Variants in TMTC1 observed in about 807,000 individuals in gnomAD.
TMTC1 encodes the protein transmembrane O-mannosyltransferase targeting cadherins 1.
TMTC1 carries 73 observed loss-of-function variants against 104.8 expected under a neutral mutation model. The observed-to-expected ratio is 0.70, with a 90% CI of 0.58 to 0.85. TMTC1 has a LOEUF of 0.85. Among genes scored for constraint, TMTC1 ranks in the 40% least tolerant of loss-of-function variants. The pLI is 0.00. For missense variants in TMTC1, 1,035 were observed against 1,096.1 expected (o/e 0.94, Z 0.79); for synonymous variants, 434 against 428.7 (o/e 1.01, Z -0.15).
At chr12:29,644,147 G>GTA (rs1440433295) in intron 5 of TMTC1, among the ~76,000 whole-genome samples, 1 of 61,550 alleles carries the variant, frequency 1.6e-5, no homozygotes, top group African/African-American at 6.9e-5. Flanking sequence ...GTGTGTGTGT[G>GTA]TGTATATATA....
At chr12:29,729,108 C>T (rs2136910653) in intron 5 of TMTC1, among the ~76,000 whole-genome samples, 1 of 151,778 alleles carries the variant, frequency 6.6e-6, no homozygotes, top group East Asian at 1.9e-4. Context: ...GACCCCTTTA[C>T]TTCCCAACTG....
At chr12:29,676,837 G>T (rs1434496536) in intron 5 of TMTC1, among the ~76,000 whole-genome samples, 1 of 152,234 alleles carries the variant, frequency 6.6e-6, no homozygotes, top group African/African-American at 2.4e-5. Flanking sequence ...GAACCCTGAA[G>T]CCAGGCCATA....
Position 29,583,592 on chromosome 12 carries a change from A to C in TMTC1, c.1251-18T>G. On this transcript the variant is annotated intron_variant, in intron 7 of 17. Transcript: ENST00000539277. ...AGCCCATGCTGGAAAACAGGGTGGA[A>C]GGAACGGGATTACTTTGGGGGTGCA... 1.2e-6 allele frequency: 2 copies of C among 1,608,302 alleles called. No individual in the cohort carries two copies. The highest frequency in any genetic ancestry group is 2.2e-5 in the South Asian group (2 of 90,086).
At chr12:29,544,294 G>A (rs552968165) in intron 10 of TMTC1, among the ~76,000 whole-genome samples, 28 of 150,604 alleles carry the variant, frequency 1.9e-4, no homozygotes, top group East Asian at 1.6e-3. Context: ...ACAGAGTGGC[G>A]CAAAAGTGGC....
chr12:29,592,145 G>A (rs1325251084), intron 7 of TMTC1, among the ~76,000 whole-genome samples: 1 of 152,106 alleles, frequency 6.6e-6, no homozygotes, highest in African/African-American at 2.4e-5. Context: ...TCTATAAATA[G>A]CATTATTAAT....
chr12:29,713,885 G>A (rs1591964232), intron 5 of TMTC1, among the ~76,000 whole-genome samples: 1 of 151,980 alleles, frequency 6.6e-6, no homozygotes, highest in African/African-American at 2.4e-5. Flanking sequence ...TGTAACAAGA[G>A]ATGTGTTGGT....
intron 16 of TMTC1, among the ~76,000 whole-genome samples, chr12:29,512,842 C>A (rs1166632689): frequency 6.6e-6 from 1 of 152,076 alleles, no homozygotes; most frequent in Non-Finnish European, 1.5e-5. Context: ...CAAGTGGTCA[C>A]CTGAAATAAA....
chr12:29,599,995 T>TAC (rs1366915650), intron 7 of TMTC1, among the ~76,000 whole-genome samples: 2 of 99,744 alleles, frequency 2.0e-5, no homozygotes, highest in East Asian at 5.5e-4. Context: ...TGTATATACA[T>TAC]ATATATATAT....
rs145115277 is a variant in TMTC1 at position 29,617,536 on chromosome 12, C to CAGAGAGAGAGAGAGAG, written c.1129-13253_1129-13238dup. ...AAACATCAGTAAGCAAAACAGACAACAGAGAGAGAGAGAGAGAGAGAGAGA... is the reference window on the plus strand; with the variant it reads ...AAACATCAGTAAGCAAAACAGACAACAGAGAGAGAGAGAGAGAGAGAGAGAGAGAGAGAGAGAGAGA... On this transcript the variant is annotated intron_variant, in intron 6 of 17. Transcript: ENST00000539277. Among the ~76,000 whole-genome samples the CAGAGAGAGAGAGAGAG allele has an allele frequency of 5.1e-3, 690 of 134,948 alleles. 4 individuals carry two copies. Among genetic ancestry groups the CAGAGAGAGAGAGAGAG allele is most frequent in the Admixed American group, 0.011 (156 of 13,730 alleles). 88.5% of individuals were successfully genotyped at this position (134,948 alleles called of 152,430 possible).
At chr12:29,585,450 A>T (rs988989359) in intron 7 of TMTC1, among the ~76,000 whole-genome samples, 2 of 151,712 alleles carry the variant, frequency 1.3e-5, no homozygotes, top group South Asian at 2.1e-4. Flanking sequence ...TTTAATTAGA[A>T]CCCATTTGTC....
chr12:29,580,454 A>T (rs1945948223), intron 8 of TMTC1, among the ~76,000 whole-genome samples: 2 of 152,334 alleles, frequency 1.3e-5, no homozygotes, highest in Middle Eastern at 3.4e-3. Flanking sequence ...GAGCTTGACC[A>T]AAATTTGTAC....
At chr12:29,575,227 T>C (rs899096561) in intron 8 of TMTC1, among the ~76,000 whole-genome samples, 1 of 152,056 alleles carries the variant, frequency 6.6e-6, no homozygotes, top group African/African-American at 2.4e-5. Flanking sequence ...ATTTGAAGGC[T>C]ATTTGGAAGA....
rs559841084 is a variant in TMTC1, at chr12:29,583,365, A to T, written c.1418+42T>A. The T allele has an allele frequency of 2.5e-6, 4 of 1,582,396 alleles. No individual in the cohort carries two copies. The South Asian group carries it at 4.6e-5, about 18-fold the overall frequency. On this transcript the variant is annotated intron_variant, in intron 8 of 17. Transcript: ENST00000539277. The stretch of plus-strand genomic sequence containing the variant: ...GTTTGGAAACAATTTGTAAGCAAAG[A>T]AATAAACAGGAAGATATTTATTTTT...
rs951894759 is a variant in TMTC1 at position 29,560,860 on chromosome 12, T to C, written c.1533-3860A>G. Among the ~76,000 whole-genome samples, 4 of 152,106 alleles carry C rather than the reference T, an allele frequency of 2.6e-5. No homozygotes were observed. The East Asian group carries it at 7.7e-4, about 29-fold the overall frequency. ...CAGCATGTTAATAGGAAAAAGTCCC[T>C]GGGAAGGAACACTTGTCTAAGCAAA... is the stretch of plus-strand genomic sequence containing the variant. On this transcript the variant is annotated intron_variant, in intron 9 of 17. Transcript: ENST00000539277.
At chr12:29,508,290 G>A (rs1172258096) in intron 17 of TMTC1, among the ~76,000 whole-genome samples, 1 of 152,180 alleles carries the variant, frequency 6.6e-6, no homozygotes, top group African/African-American at 2.4e-5. Context: ...ACTTGCATTT[G>A]CTATATTCAA....
At chr12:29,685,152 C>T (rs1941052438) in intron 5 of TMTC1, among the ~76,000 whole-genome samples, 1 of 151,936 alleles carries the variant, frequency 6.6e-6, no homozygotes, top group Non-Finnish European at 1.5e-5. Context: ...ATTTTCCTAA[C>T]TAGATATCAA....
At chr12:29,764,038 T>C (rs1943409733) in intron 2 of TMTC1, among the ~76,000 whole-genome samples, 1 of 152,224 alleles carries the variant, frequency 6.6e-6, no homozygotes, top group Non-Finnish European at 1.5e-5. Context: ...GGTCAGTTCA[T>C]GGTTAGTGAA....
chr12:29,586,918 A>C (rs537930778), intron 7 of TMTC1, among the ~76,000 whole-genome samples: 399 of 152,166 alleles, frequency 2.6e-3, no homozygotes, highest in African/African-American at 8.8e-3. Flanking sequence ...TGTCTCTGCC[A>C]GGCTTTGGTA....
chr12:29,765,107 C>T (rs762789338), intron 2 of TMTC1, among the ~76,000 whole-genome samples: 2 of 152,190 alleles, frequency 1.3e-5, no homozygotes, highest in Non-Finnish European at 2.9e-5. Flanking sequence ...CCCAGCATCA[C>T]ATATTCTATA....
Sources: allele counts gnomAD v4.1 joint callset (sites outside exome capture counted in the v4.1 genomes callset), GRCh38; gene constraint gnomAD v4.1.1; transcripts MANE v1.5; gene names NCBI Gene and HGNC (gene_info 2026-07-23, HGNC 2026-07-21).